The following ZNF326 variants were observed in gnomAD, a reference collection of about 807,000 sequenced individuals.
ZNF326 encodes the protein DBIRD complex subunit ZNF326.
In ZNF326, 30 loss-of-function variants were observed where a neutral mutation model predicts 63.1. That is an observed-to-expected ratio of 0.48 (90% confidence interval 0.36 to 0.64). The LOEUF is 0.64. Ranked by LOEUF, ZNF326 falls within the 30% of genes least tolerant of loss-of-function variation. The probability of loss-of-function intolerance (pLI) is 0.00; values close to 1 mark genes in which losing one functional copy is unlikely to be tolerated. For missense variants in ZNF326, 609 were observed against 720.3 expected (o/e 0.85, Z 1.77); for synonymous variants, 194 against 228.2 (o/e 0.85, Z 1.35).
rs1650132819 is a variant in ZNF326 at position 90,028,601 on chromosome 1, T to C, written c.*900T>C. The C allele has an allele frequency of 6.6e-6, 1 of 152,210 alleles. No homozygotes were observed. Among genetic ancestry groups the C allele is most frequent in the South Asian group, 2.1e-4 (1 of 4,836 alleles). 9.4% of individuals were successfully genotyped at this position (152,210 alleles called of 1,614,324 possible). ...GCTGAAGAACCAAGAAGCAGACTTTTCTTTTAAAAGAATTATTTCTCTTTC... is the reference window on the plus strand; with the variant it reads ...GCTGAAGAACCAAGAAGCAGACTTTCCTTTTAAAAGAATTATTTCTCTTTC... On this transcript the variant is annotated 3_prime_UTR_variant, in exon 12 of 12. Coordinates refer to ENST00000340281, the MANE Select transcript of ZNF326 (RefSeq NM_182976.4).
chr1:90,010,493 C>T (rs1649185897), intron 6 of ZNF326, among the ~76,000 whole-genome samples: 1 of 152,066 alleles, frequency 6.6e-6, no homozygotes, highest in Non-Finnish European at 1.5e-5. Context: ...CTGGTCCATT[C>T]CTTTTTCCTG....
At chr1:90,019,347 A>G (rs1261197585) in intron 9 of ZNF326, among the ~76,000 whole-genome samples, 1 of 152,188 alleles carries the variant, frequency 6.6e-6, no homozygotes, top group Non-Finnish European at 1.5e-5. Flanking sequence ...TCTCCCATGT[A>G]TTACATTAAG....
At chr1:90,022,150 T>C in intron 10 of ZNF326, 100 bp from the exon 11 acceptor site, 1 of 839,400 alleles carries the variant, frequency 1.2e-6, no homozygotes, top group Non-Finnish European at 1.9e-6. Flanking sequence ...AGATAAGTCA[T>C]TTAAATCTAA....
At chr1:90,013,727 G>C (rs937951356) in intron 7 of ZNF326, among the ~76,000 whole-genome samples, 2 of 152,160 alleles carry the variant, frequency 1.3e-5, no homozygotes. Context: ...TGAACAGACT[G>C]TAAGGAAGAA....
rs1031517032 is a variant in ZNF326, at chr1:90,029,050, T to A, written c.*1349T>A. On this transcript the variant is annotated 3_prime_UTR_variant, in exon 12 of 12. Coordinates refer to ENST00000340281, the MANE Select transcript of ZNF326 (RefSeq NM_182976.4). ...AACTCCTGGGCTCAAGTGACCTGTCTGTCTTGGCCTCCCACAGTGCTGGGA... is the reference window on the plus strand; with the variant it reads ...AACTCCTGGGCTCAAGTGACCTGTCAGTCTTGGCCTCCCACAGTGCTGGGA... The A allele has an allele frequency of 3.3e-5, 5 of 152,038 alleles. No homozygotes were observed. Among genetic ancestry groups the A allele is most frequent in the Admixed American group, 6.6e-5 (1 of 15,264 alleles). The allele number at this position is 152,038 out of a possible 1,614,324, so 9.4% of individuals were successfully genotyped here.
chr1:90,018,991 G>A (rs895493981), intron 9 of ZNF326, among the ~76,000 whole-genome samples: 7 of 152,034 alleles, frequency 4.6e-5, no homozygotes, highest in Non-Finnish European at 8.8e-5. Flanking sequence ...CTTCACTTCA[G>A]TTTGAGAGGA....
rs142832711 is a variant in ZNF326, at chr1:90,007,391, C to A, written c.256C>A (p.Arg86=). ...SYDSRSSLGG[R]DLYRSGYGFN... is the part of the protein sequence containing the mutation. Reference sequence around the variant, plus strand: ...CGACTCCAGGTCTTCTCTGGGTGGGCGAGATCTGTACAGATCTGGCTATGG... The same window carrying A: ...CGACTCCAGGTCTTCTCTGGGTGGGAGAGATCTGTACAGATCTGGCTATGG... The change falls in exon 5 of 12, where the codon CGA becomes AGA. Residue 86 remains arginine (R), a synonymous_variant. Coordinates refer to ENST00000340281, the MANE Select transcript of ZNF326 (RefSeq NM_182976.4). The surrounding 1 kb of genome is among the most constrained non-coding windows in gnomAD (Gnocchi z 4.9). The A allele has an allele frequency of 1.4e-3, 2,202 of 1,613,708 alleles. 7 individuals are homozygous for A. The highest frequency in any genetic ancestry group is 2.2e-3 in the Admixed American group (129 of 59,996).
Position 90,035,127 on chromosome 1 carries a change from G to C in ZNF326, c.*7426G>C, listed in dbSNP as rs1006238623. On this transcript the variant is annotated 3_prime_UTR_variant, in exon 12 of 12. Transcript: ENST00000340281. ...GGCTAAGGACTAGGAAGGTCTTCCAGAAAGCTTCATCAAACATCTGCATTC... is the reference window on the plus strand; with the variant it reads ...GGCTAAGGACTAGGAAGGTCTTCCACAAAGCTTCATCAAACATCTGCATTC... 6.6e-5 allele frequency: 10 copies of C among 152,208 alleles called. No homozygotes were observed. Among genetic ancestry groups the C allele is most frequent in the Non-Finnish European group, 2.9e-5 (2 of 68,030 alleles). The allele number at this position is 152,208 out of a possible 1,614,324, so 9.4% of individuals were successfully genotyped here.
intron 11 of ZNF326, 35 bp downstream of exon 11, chr1:90,022,380 T>C (rs1206310837): frequency 6.9e-7 from 1 of 1,440,080 alleles, no homozygotes; most frequent in Non-Finnish European, 9.7e-7. Flanking sequence ...TTCAATAATA[T>C]TGTAGTATTG....
At chr1:90,016,704 G>A (rs1007412462) in intron 7 of ZNF326, among the ~76,000 whole-genome samples, 6 of 150,496 alleles carry the variant, frequency 4.0e-5, no homozygotes, top group Admixed American at 4.0e-4. Flanking sequence ...GCAGCAGAGC[G>A]AGGCTCCATC....
intron 9 of ZNF326, among the ~76,000 whole-genome samples, chr1:90,019,690 G>T (rs1050276929): frequency 6.6e-6 from 1 of 151,946 alleles, no homozygotes; most frequent in Non-Finnish European, 1.5e-5. Context: ...TTAGTATCTA[G>T]ATGTTCATTG....
At position 89,999,500 on chromosome 1, in the gene ZNF326, A is replaced by G. The variant is rs572308447; in HGVS notation, c.61+1346A>G. Among the ~76,000 whole-genome samples the G allele has an allele frequency of 5.3e-5, 8 of 152,322 alleles. No individual in the cohort carries two copies. The South Asian group carries it at 1.7e-3, about 32-fold the overall frequency. On this transcript the variant is annotated intron_variant, in intron 2 of 11. Transcript: ENST00000340281. ...TTATTAATTAGTATACAGTGTTGCA[A>G]AAAGATCTAATATGACTTTTATTTT...
chr1:90,011,399 T>A lies in ZNF326; in HGVS notation c.814+1113T>A, dbSNP rs1570305982. On this transcript the variant is annotated intron_variant, in intron 6 of 11. Transcript: ENST00000340281. Reference sequence around the variant, plus strand: ...AGTACAACATGTCATAGTTTTAGCATATGAAAGGAAGATTAAATTACTTAT... The same window carrying A: ...AGTACAACATGTCATAGTTTTAGCAAATGAAAGGAAGATTAAATTACTTAT... Among the ~76,000 whole-genome samples the A allele has an allele frequency of 2.6e-5, 4 of 151,932 alleles. No homozygotes were observed. In the South Asian group the frequency reaches 8.3e-4, roughly 31 times the overall value.
At position 89,995,139 on chromosome 1, in the gene ZNF326, TG is replaced by T; in HGVS notation, c.-117del. The T allele has an allele frequency of 7.8e-7, 1 of 1,282,402 alleles. No homozygotes were observed. Among genetic ancestry groups the T allele is most frequent in the Non-Finnish European group, 1.1e-6 (1 of 937,430 alleles). The allele number at this position is 1,282,402 out of a possible 1,614,324, so 79.4% of individuals were successfully genotyped here. The stretch of plus-strand genomic sequence containing the variant: ...TCGCTGTGGCCTGCGGCTCCCGGGC[TG>T]GTAGCGCGCCGCTCTCGGTCGCGCG... On this transcript the variant is annotated 5_prime_UTR_variant, in exon 1 of 12. Coordinates refer to ENST00000340281, the MANE Select transcript of ZNF326 (RefSeq NM_182976.4).
At chr1:89,997,956 A>G (rs902753534) in intron 1 of ZNF326, among the ~76,000 whole-genome samples, 154 bp from the exon 2 acceptor site, 1 of 152,198 alleles carries the variant, frequency 6.6e-6, no homozygotes, top group Admixed American at 6.5e-5. Flanking sequence ...GGAATGGAGT[A>G]TTGGTAATTA....
chr1:90,006,401 A>G lies in ZNF326; in HGVS notation c.210-944A>G, dbSNP rs185472292. 9.1e-6 allele frequency: 9 copies of G among 984,970 alleles called. No individual in the cohort carries two copies. In the Admixed American group the frequency reaches 4.3e-4, roughly 47 times the overall value. The allele number at this position is 984,970 out of a possible 1,614,324, so 61.0% of individuals were successfully genotyped here. A position where few individuals can be genotyped will look rare whatever the true frequency, so the allele number is the denominator to read the frequency against. On this transcript the variant is annotated intron_variant, in intron 4 of 11. Coordinates refer to ENST00000340281, the MANE Select transcript of ZNF326 (RefSeq NM_182976.4). Reference sequence around the variant, plus strand: ...TCCGTAGATGTTATTGTTTTATCTCATGTGTAATTGTGGGCCTTTATAAAA... The same window carrying G: ...TCCGTAGATGTTATTGTTTTATCTCGTGTGTAATTGTGGGCCTTTATAAAA...
chr1:90,030,109 T>C lies in ZNF326; in HGVS notation c.*2408T>C, dbSNP rs1359843334. On this transcript the variant is annotated 3_prime_UTR_variant, in exon 12 of 12. Coordinates refer to ENST00000340281, the MANE Select transcript of ZNF326 (RefSeq NM_182976.4). ...GTTTCAGCTCCATGCCTAGGGACTA[T>C]CCTGTATTATTCGCTTTTTATCACT... is the stretch of plus-strand genomic sequence containing the variant. The C allele has an allele frequency of 6.6e-6, 1 of 152,214 alleles. No individual in the cohort carries two copies. Among genetic ancestry groups the C allele is most frequent in the Middle Eastern group, 3.2e-3 (1 of 316 alleles). 9.4% of individuals were successfully genotyped at this position (152,214 alleles called of 1,614,324 possible). A position where few individuals can be genotyped will look rare whatever the true frequency, so the allele number is the denominator to read the frequency against.
chr1:89,998,775 A>G (rs757492564), intron 2 of ZNF326, among the ~76,000 whole-genome samples: 50 of 152,246 alleles, frequency 3.3e-4, no homozygotes, highest in Non-Finnish European at 5.6e-4. Flanking sequence ...ATACAAAAAA[A>G]GAACACAGAA....
At chr1:90,005,371 A>C in intron 4 of ZNF326, 127 bp downstream of exon 4, 1 of 1,433,510 alleles carries the variant, frequency 7.0e-7, no homozygotes. Flanking sequence ...CATCACCTTA[A>C]ATATTTAAAG....
Sources: allele counts gnomAD v4.1 joint callset (sites outside exome capture counted in the v4.1 genomes callset), GRCh38; gene constraint gnomAD v4.1.1; non-coding constraint Gnocchi (gnomAD v3.1); transcripts MANE v1.5; gene names NCBI Gene and HGNC (gene_info 2026-07-23, HGNC 2026-07-21).